The following ANK3 variants were observed in gnomAD, a reference collection of about 807,000 sequenced individuals.
The protein encoded by ANK3 is ankyrin-3.
A neutral mutation model predicts 370.9 loss-of-function variants in ANK3; 57 were observed. That is an observed-to-expected ratio of 0.15 (90% CI 0.12 to 0.19). ANK3 has a LOEUF of 0.19. Ranked by LOEUF, ANK3 falls within the 10% of genes least tolerant of loss-of-function variation. ANK3 has a pLI of 1.00. For missense variants in ANK3, 4,439 were observed against 5,302.1 expected, an observed-to-expected ratio of 0.84 and a Z score of 5.06; for synonymous variants, 1,929 against 1,946.3, an observed-to-expected ratio of 0.99 and a Z score of 0.23.
chr10:60,433,870 T>C (rs1037799614), intron 2 of ANK3, among the ~76,000 whole-genome samples: 37 of 152,322 alleles, frequency 2.4e-4, no homozygotes, highest in Admixed American at 1.8e-3. Flanking sequence ...CCTTGGAGGA[T>C]CCTGCCAGCA....
chr10:60,557,526 G>A (rs2077236601), intron 2 of ANK3, among the ~76,000 whole-genome samples: 1 of 151,972 alleles, frequency 6.6e-6, no homozygotes. Flanking sequence ...GCTTTTGTTG[G>A]GGGTGTGAAA....
rs184339570 is a variant in ANK3, at chr10:60,607,475, G to A, written c.96+7711C>T. Among the ~76,000 whole-genome samples the A allele has an allele frequency of 7.4e-3, 1,130 of 152,194 alleles. 13 individuals carry two copies. The highest frequency in any genetic ancestry group is 0.026 in the African/African-American group (1,079 of 41,538). Reference sequence around the variant, plus strand: ...CCAGAATACCTTAATCATTGCAAAAGGCTGCCTATCGAATCCTGGAAACTT... The same window carrying A: ...CCAGAATACCTTAATCATTGCAAAAAGCTGCCTATCGAATCCTGGAAACTT... On this transcript the variant is annotated intron_variant, in intron 2 of 43. Transcript: ENST00000373827.
intron 8 of ANK3, among the ~76,000 whole-genome samples, chr10:60,213,918 AT>A (rs573632176): frequency 1.6e-4 from 24 of 152,242 alleles, no homozygotes; most frequent in Admixed American, 5.9e-4. Flanking sequence ...TTTTATCTTA[AT>A]GTAATTTTAT....
chr10:60,335,100 C>G (rs958765350), intron 1 of ANK3, among the ~76,000 whole-genome samples: 1 of 151,904 alleles, frequency 6.6e-6, no homozygotes, highest in Non-Finnish European at 1.5e-5. Context: ...AATGTGCATG[C>G]GTGTGTATGT....
At chr10:60,159,402 G>C (rs1251855139) in intron 23 of ANK3, among the ~76,000 whole-genome samples, 4 of 152,100 alleles carry the variant, frequency 2.6e-5, no homozygotes, top group East Asian at 1.9e-4. Context: ...CACACCAAAT[G>C]CTGGAGCACC....
intron 1 of ANK3, among the ~76,000 whole-genome samples, chr10:60,692,049 T>C (rs1395684372): frequency 6.6e-6 from 1 of 152,220 alleles, no homozygotes; most frequent in East Asian, 1.9e-4. Flanking sequence ...CAAGCCATCA[T>C]CAAGTAGACT....
chr10:60,029,875 C>CTTTTCTTTT (rs2072914287), intron 43 of ANK3, 49 bp from the exon 44 acceptor site: 1 of 68,606 alleles, frequency 1.5e-5, no homozygotes, highest in Non-Finnish European at 2.5e-5. Flanking sequence ...TTTTCTTTTT[C>CTTTTCTTTT]TTTTTTTTTT....
chr10:60,297,188 G>A (rs185520117), intron 1 of ANK3, among the ~76,000 whole-genome samples: 15 of 152,166 alleles, frequency 9.9e-5, no homozygotes, highest in African/African-American at 2.9e-4. Flanking sequence ...TCTGAAAAGC[G>A]ATTTTTACAT....
intron 2 of ANK3, among the ~76,000 whole-genome samples, chr10:60,513,114 C>T (rs760371634): frequency 3.9e-5 from 6 of 152,122 alleles, no homozygotes; most frequent in South Asian, 2.1e-4. Context: ...CTCTAAACTA[C>T]GTGTCTTCCT....
chr10:60,138,379 G>C (rs2094440668), intron 24 of ANK3: 1 of 278,282 alleles, frequency 3.6e-6, no homozygotes, highest in East Asian at 6.1e-5. Context: ...TGTAAGAACT[G>C]AATTTGTCAC....
intron 2 of ANK3, among the ~76,000 whole-genome samples, chr10:60,517,005 G>T (rs1215135593): frequency 6.6e-6 from 1 of 152,002 alleles, no homozygotes; most frequent in Non-Finnish European, 1.5e-5. Flanking sequence ...TTGAATCCTG[G>T]ACCTCAATTT....
At chr10:60,456,252 C>T (rs778314290) in intron 2 of ANK3, among the ~76,000 whole-genome samples, 3 of 152,314 alleles carry the variant, frequency 2.0e-5, no homozygotes, top group Admixed American at 2.0e-4. Context: ...AAGCTGCCAG[C>T]GCCCCCTTTG....
intron 1 of ANK3, among the ~76,000 whole-genome samples, chr10:60,641,612 C>A (rs1478080445): frequency 6.6e-6 from 1 of 151,874 alleles, no homozygotes; most frequent in East Asian, 1.9e-4. Context: ...CTTCCTTACA[C>A]CTTATACAAA....
chr10:60,507,798 T>C (rs951595675), intron 2 of ANK3: 6 of 152,052 alleles, frequency 3.9e-5, no homozygotes, highest in African/African-American at 1.4e-4. Flanking sequence ...TCCTATAATG[T>C]TTTTTAAAAG....
At position 60,068,764 on chromosome 10, in the gene ANK3, G is replaced by A. The variant is rs143949334; in HGVS notation, c.12117C>T (p.Ser4039=). The change falls in exon 37 of 44, where the codon TCC becomes TCT. Residue 4039 remains serine (S), a synonymous_variant. Coordinates refer to ENST00000280772, the MANE Select transcript of ANK3 (RefSeq NM_020987.5). ...AAGGCTGGCCACCCCGGGAAGTCTC[G>A]GACAACGACGTGTTTCTTGAGGTAC... ...EESTSRNTSL[S]ETSRGGQPSV... The A allele has an allele frequency of 5.5e-5, 88 of 1,614,124 alleles. No individual in the cohort carries two copies. The East Asian group carries it at 1.4e-3, about 26-fold the overall frequency.
At chr10:60,641,267 T>A (rs1223075828) in intron 1 of ANK3, among the ~76,000 whole-genome samples, 1 of 149,524 alleles carries the variant, frequency 6.7e-6, no homozygotes, top group Non-Finnish European at 1.5e-5. Flanking sequence ...CTTCACAGAA[T>A]TGGAAAAAAC....
intron 7 of ANK3, among the ~76,000 whole-genome samples, chr10:60,259,681 C>A (rs2097777996): frequency 6.6e-6 from 1 of 152,176 alleles, no homozygotes; most frequent in Non-Finnish European, 1.5e-5. Flanking sequence ...CTCTAATCCT[C>A]TTGTTTTTAG....
chr10:60,631,846 G>C (rs1233003183), intron 1 of ANK3, among the ~76,000 whole-genome samples: 1 of 152,092 alleles, frequency 6.6e-6, no homozygotes, highest in Non-Finnish European at 1.5e-5. Flanking sequence ...TTAATATTTT[G>C]ATTAATACAA....
At chr10:60,558,963 T>C (rs1158514007) in intron 2 of ANK3, among the ~76,000 whole-genome samples, 1 of 152,168 alleles carries the variant, frequency 6.6e-6, no homozygotes, top group Non-Finnish European at 1.5e-5. Context: ...CAGATTAGGA[T>C]GGCAAAAATT....
Sources: gnomAD v4.1 joint callset for allele counts (sites outside exome capture counted in the v4.1 genomes callset) on GRCh38, gnomAD v4.1.1 for gene constraint, MANE v1.5 for transcripts, NCBI Gene and HGNC (gene_info 2026-07-23, HGNC 2026-07-21) for gene names.